Variants in KLHL1 observed in about 807,000 individuals in gnomAD.
KLHL1 encodes the protein kelch-like protein 1.
KLHL1 carries 47 observed loss-of-function variants against 77.7 expected under a neutral mutation model. That is an observed-to-expected ratio of 0.60 (90% confidence interval 0.48 to 0.77). The LOEUF is 0.77. Ranked by LOEUF, KLHL1 falls within the 30% of genes least tolerant of loss-of-function variation. The pLI, the probability that KLHL1 is intolerant of heterozygous loss-of-function variation, is 0.00. For synonymous variants in KLHL1, 360 were observed against 325.2 expected, an observed-to-expected ratio of 1.11 and a Z score of -1.15; for missense variants, 925 against 910.8, an observed-to-expected ratio of 1.02 and a Z score of -0.20.
intron 1 of KLHL1, among the ~76,000 whole-genome samples, chr13:70,006,272 C>T (rs1312679421): frequency 6.6e-6 from 1 of 151,912 alleles, no homozygotes; most frequent in Non-Finnish European, 1.5e-5. Context: ...TATAGATGGA[C>T]ATTTGGGTTA....
At chr13:69,818,775 G>A (rs1878226452) in intron 6 of KLHL1, among the ~76,000 whole-genome samples, 1 of 152,128 alleles carries the variant, frequency 6.6e-6, no homozygotes, top group Non-Finnish European at 1.5e-5. Flanking sequence ...AATCTCCAGT[G>A]ATATACTTCA....
chr13:69,744,751 A>T (rs1291853301), intron 7 of KLHL1, among the ~76,000 whole-genome samples: 4 of 151,910 alleles, frequency 2.6e-5, no homozygotes, highest in Admixed American at 1.3e-4. Context: ...AATATAATTT[A>T]AAAAATTATT....
chr13:69,933,260 GA>G (rs1883066306), intron 4 of KLHL1, among the ~76,000 whole-genome samples: 1 of 151,916 alleles, frequency 6.6e-6, no homozygotes, highest in South Asian at 2.1e-4. Flanking sequence ...ATAAATAAAA[GA>G]AAAAAGATAA....
At chr13:69,992,320 A>G (rs1215878868) in intron 1 of KLHL1, among the ~76,000 whole-genome samples, 1 of 151,980 alleles carries the variant, frequency 6.6e-6, no homozygotes, top group Non-Finnish European at 1.5e-5. Context: ...TCTTTTGAAC[A>G]ACTCAGAGCA....
intron 7 of KLHL1, among the ~76,000 whole-genome samples, chr13:69,764,131 T>G (rs1397787656): frequency 6.6e-6 from 1 of 152,166 alleles, no homozygotes; most frequent in Non-Finnish European, 1.5e-5. Context: ...CTGAAGCTGC[T>G]TCCGTGCATA....
At chr13:69,790,542 C>A (rs1876821297) in intron 7 of KLHL1, among the ~76,000 whole-genome samples, 1 of 151,840 alleles carries the variant, frequency 6.6e-6, no homozygotes, top group African/African-American at 2.4e-5. Flanking sequence ...AAATCTTCCA[C>A]AAAATACTAA....
At chr13:69,702,929 G>C (rs1875462730) in intron 10 of KLHL1, among the ~76,000 whole-genome samples, 1 of 151,680 alleles carries the variant, frequency 6.6e-6, no homozygotes, top group Non-Finnish European at 1.5e-5. Context: ...ATCTCCATGA[G>C]AGAGATGAGT....
chr13:69,904,641 A>T (rs1202245798), intron 4 of KLHL1, among the ~76,000 whole-genome samples: 2 of 152,176 alleles, frequency 1.3e-5, no homozygotes, highest in African/African-American at 4.8e-5. Flanking sequence ...GCCATTCATG[A>T]TTGCCACTTG....
rs1033148407 is a variant in KLHL1 at position 70,006,285 on chromosome 13, C to T, written c.498-30483G>A. On this transcript the variant is annotated intron_variant, in intron 1 of 10. Transcript: ENST00000377844. The stretch of plus-strand genomic sequence containing the variant: ...CTTATAGATGGACATTTGGGTTAAT[C>T]TCATAGCTTATTCTATTCCTGGGAT... 3.3e-5 allele frequency among the ~76,000 whole-genome samples: 5 copies of T among 151,868 alleles called. 1 individual carries two copies. The highest frequency in any genetic ancestry group is 1.2e-4 in the African/African-American group (5 of 41,376).
intron 1 of KLHL1, among the ~76,000 whole-genome samples, chr13:70,002,817 G>C (rs1885327860): frequency 6.6e-6 from 1 of 151,666 alleles, no homozygotes. Context: ...AGAAAAATCA[G>C]TGGGAGAATG....
At chr13:69,889,530 A>C (rs1481353025) in intron 4 of KLHL1, among the ~76,000 whole-genome samples, 1 of 151,964 alleles carries the variant, frequency 6.6e-6, no homozygotes, top group Non-Finnish European at 1.5e-5. Flanking sequence ...TCACCCATCT[A>C]TTTTGAGCTT....
intron 1 of KLHL1, among the ~76,000 whole-genome samples, chr13:70,056,866 A>G (rs933775009): frequency 4.6e-5 from 7 of 152,156 alleles, no homozygotes; most frequent in Non-Finnish European, 1.0e-4. Context: ...CTGCATTTAA[A>G]AGGAAAAAAA....
chr13:69,906,443 C>G (rs746523070), intron 4 of KLHL1, among the ~76,000 whole-genome samples: 2 of 151,748 alleles, frequency 1.3e-5, no homozygotes, highest in Non-Finnish European at 2.9e-5. Context: ...ATTTGCAAAC[C>G]GGGAAAACAG....
intron 1 of KLHL1, among the ~76,000 whole-genome samples, chr13:70,002,524 G>A (rs1885319191): frequency 1.3e-5 from 2 of 151,432 alleles, no homozygotes; most frequent in South Asian, 2.1e-4. Flanking sequence ...TGAGAGGGAA[G>A]GGGACAGAGA....
chr13:69,934,270 G>A (rs1189447698), intron 4 of KLHL1, among the ~76,000 whole-genome samples: 2 of 152,118 alleles, frequency 1.3e-5, no homozygotes, highest in Non-Finnish European at 2.9e-5. Context: ...GATGGCAGAA[G>A]GTAGCGTTAC....
chr13:69,807,872 T>C (rs1877681936), intron 6 of KLHL1, among the ~76,000 whole-genome samples: 1 of 152,112 alleles, frequency 6.6e-6, no homozygotes, highest in Non-Finnish European at 1.5e-5. Context: ...CTGAAACCTG[T>C]CTGTGTGGGT....
At chr13:70,021,598 A>G (rs1885796459) in intron 1 of KLHL1, among the ~76,000 whole-genome samples, 2 of 152,062 alleles carry the variant, frequency 1.3e-5, no homozygotes, top group Non-Finnish European at 2.9e-5. Context: ...ACTGTCTCCC[A>G]AAGTAGCTGT....
At chr13:69,916,670 G>A (rs1882453145) in intron 4 of KLHL1, among the ~76,000 whole-genome samples, 1 of 151,814 alleles carries the variant, frequency 6.6e-6, no homozygotes, top group Non-Finnish European at 1.5e-5. Flanking sequence ...CAGCACACCA[G>A]CATGGTACAT....
At chr13:69,838,418 ACT>A (rs1391755583) in intron 6 of KLHL1, among the ~76,000 whole-genome samples, 3 of 151,824 alleles carry the variant, frequency 2.0e-5, no homozygotes, top group Admixed American at 6.6e-5. Flanking sequence ...TTTTCCAATA[ACT>A]CTAAAAACGT....
Sources: allele counts gnomAD v4.1 joint callset (sites outside exome capture counted in the v4.1 genomes callset), GRCh38; gene constraint gnomAD v4.1.1; transcripts MANE v1.5; gene names NCBI Gene and HGNC (gene_info 2026-07-23, HGNC 2026-07-21).